The following DPP10 variants were observed in gnomAD, a reference collection of about 807,000 sequenced individuals.
DPP10 encodes inactive dipeptidyl peptidase 10.
Under a neutral mutation model 120.9 loss-of-function variants are expected in DPP10, and 33 were observed. The ratio of observed to expected loss-of-function variants is 0.27; its 90% confidence interval spans 0.21 to 0.37. The LOEUF is 0.37. DPP10 is among the 10% of genes least tolerant of loss of function. The pLI, the probability that DPP10 is intolerant of heterozygous loss-of-function variation, is 1.00. For missense variants in DPP10, 816 were observed against 942.8 expected, an observed-to-expected ratio of 0.87 and a Z score of 1.76; for synonymous variants, 337 against 326.1, an observed-to-expected ratio of 1.03 and a Z score of -0.36.
intron 2 of DPP10, among the ~76,000 whole-genome samples, chr2:115,340,194 T>C (rs1166165940): frequency 6.6e-6 from 1 of 152,142 alleles, no homozygotes; most frequent in African/African-American, 2.4e-5. Context: ...TGCTATAATT[T>C]AATATGTAGA....
intron 1 of DPP10, among the ~76,000 whole-genome samples, chr2:115,236,874 A>G (rs1006618639): frequency 6.6e-6 from 1 of 152,170 alleles, no homozygotes; most frequent in Non-Finnish European, 1.5e-5. Flanking sequence ...TAACATCTGC[A>G]TTTCACAGTG....
intron 1 of DPP10, among the ~76,000 whole-genome samples, chr2:114,711,724 T>C (rs570655489): frequency 4.6e-5 from 7 of 152,316 alleles, no homozygotes; most frequent in Non-Finnish European, 8.8e-5. Flanking sequence ...ATAGGATAAG[T>C]GAACAAGTCT....
chr2:115,623,847 AG>A (rs1263148684), intron 5 of DPP10, among the ~76,000 whole-genome samples: 1 of 151,820 alleles, frequency 6.6e-6, no homozygotes, highest in Non-Finnish European at 1.5e-5. Flanking sequence ...TGAAGTATTT[AG>A]GGCTCCACGA....
intron 2 of DPP10, among the ~76,000 whole-genome samples, chr2:115,337,088 G>A (rs1310689551): frequency 1.3e-5 from 2 of 151,246 alleles, no homozygotes; most frequent in African/African-American, 4.9e-5. Flanking sequence ...GTAACAATGA[G>A]CAGAGGGTAA....
At chr2:114,486,744 A>G (rs1396443668) in intron 1 of DPP10, among the ~76,000 whole-genome samples, 4 of 152,094 alleles carry the variant, frequency 2.6e-5, no homozygotes, top group Admixed American at 2.6e-4. Flanking sequence ...ATGCATGCAT[A>G]TGGATTTATC....
chr2:115,343,673 A>G (rs2063558622), intron 2 of DPP10, 144 bp from the exon 3 acceptor site: 1 of 453,476 alleles, frequency 2.2e-6, no homozygotes, highest in African/African-American at 2.0e-5. Flanking sequence ...CAAAGTTCAA[A>G]TGCCAAAAAC....
intron 1 of DPP10, among the ~76,000 whole-genome samples, chr2:115,282,227 A>G (rs2060189396): frequency 6.6e-6 from 1 of 152,082 alleles, no homozygotes; most frequent in Non-Finnish European, 1.5e-5. Flanking sequence ...AATATTACAT[A>G]ATAGTTATGT....
In DPP10 at chr2:115,692,313, T is replaced by C. The variant is rs1455595157; in HGVS notation, c.576+2392T>C. The stretch of plus-strand genomic sequence containing the variant: ...GCTTTTTATGTGATGGATAATTTTA[T>C]ATATGTTCTATATGACAGGAACAAT... On this transcript the variant is annotated intron_variant, in intron 7 of 25. Coordinates refer to ENST00000410059, the MANE Select transcript of DPP10 (RefSeq NM_020868.6). Among the ~76,000 whole-genome samples the C allele has an allele frequency of 2.0e-5, 3 of 152,134 alleles. No homozygotes were observed. In the East Asian group the frequency reaches 5.8e-4, roughly 29 times the overall value.
At chr2:114,581,385 G>A (rs1406106941) in intron 1 of DPP10, among the ~76,000 whole-genome samples, 3 of 151,748 alleles carry the variant, frequency 2.0e-5, no homozygotes, top group South Asian at 2.1e-4. Context: ...GAGTGTCACC[G>A]TGTTAGCCAG....
At chr2:115,486,023 C>A (rs1489442385) in intron 3 of DPP10, among the ~76,000 whole-genome samples, 1 of 152,020 alleles carries the variant, frequency 6.6e-6, no homozygotes, top group African/African-American at 2.4e-5. Context: ...TTCATGATTG[C>A]CACTGTGTAT....
At chr2:114,577,816 A>G (rs1690181435) in intron 1 of DPP10, among the ~76,000 whole-genome samples, 1 of 152,288 alleles carries the variant, frequency 6.6e-6, no homozygotes. Context: ...CTTTGGAAGA[A>G]GCATCACCCT....
intron 1 of DPP10, among the ~76,000 whole-genome samples, chr2:114,584,052 A>T: frequency 6.6e-6 from 1 of 152,218 alleles, no homozygotes. Context: ...CAGAAAGCAA[A>T]AAGAGAATCA....
At position 115,739,749 on chromosome 2, in the gene DPP10, G is replaced by C. The variant is rs1559095618; in HGVS notation, c.708G>C (p.Leu236=). 6.2e-7 allele frequency: 1 copy of C among 1,613,124 alleles called. No homozygotes were observed. The highest frequency in any genetic ancestry group is 1.7e-5 in the Admixed American group (1 of 59,972). ...ACTCATTTATTCTAGAGGAACTCCTGCATTCTCACATCGCCCACTGGTGGT... is the reference window on the plus strand; with the variant it reads ...ACTCATTTATTCTAGAGGAACTCCTCCATTCTCACATCGCCCACTGGTGGT... ...IADWLYEEEL[L]HSHIAHWWSP... is the part of the protein sequence containing the mutation. The change falls in exon 9 of 26, where the codon CTG becomes CTC. Residue 236 remains leucine (L), a synonymous_variant. Coordinates refer to ENST00000410059, the MANE Select transcript of DPP10 (RefSeq NM_020868.6).
chr2:115,776,087 A>G (rs983582128), intron 13 of DPP10, among the ~76,000 whole-genome samples: 1 of 152,140 alleles, frequency 6.6e-6, no homozygotes, highest in Non-Finnish European at 1.5e-5. Context: ...CAGCACTGAG[A>G]TAAGGAATCA....
intron 1 of DPP10, among the ~76,000 whole-genome samples, chr2:114,987,804 C>CTTTTTTTTTTTT (rs59203543): frequency 0.028 from 2,824 of 100,824 alleles, 332 homozygotes; most frequent in Middle Eastern, 0.039. Context: ...TGGAGACTGT[C>CTTTTTTTTTTTT]TTTTTTTTTT....
intron 1 of DPP10, among the ~76,000 whole-genome samples, chr2:115,201,689 T>G (rs2055735214): frequency 6.6e-6 from 1 of 152,166 alleles, no homozygotes; most frequent in African/African-American, 2.4e-5. Context: ...ATCCTCAAGT[T>G]ATATGGAAAT....
intron 1 of DPP10, among the ~76,000 whole-genome samples, chr2:114,687,778 T>A (rs1699468200): frequency 6.6e-6 from 1 of 151,976 alleles, no homozygotes; most frequent in Admixed American, 6.6e-5. Flanking sequence ...GCTGCTGTCA[T>A]GTGCTAGACT....
intron 1 of DPP10, among the ~76,000 whole-genome samples, chr2:114,886,691 T>G (rs1041801444): frequency 2.6e-5 from 4 of 152,206 alleles, no homozygotes; most frequent in African/African-American, 9.6e-5. Flanking sequence ...AAGTCTGTTA[T>G]GGATATATTT....
At chr2:114,974,809 C>T (rs1365951605) in intron 1 of DPP10, among the ~76,000 whole-genome samples, 2 of 152,058 alleles carry the variant, frequency 1.3e-5, no homozygotes, top group African/African-American at 4.8e-5. Context: ...AATCACCTAA[C>T]AAGGTATTTC....
Sources: allele counts gnomAD v4.1 joint callset (sites outside exome capture counted in the v4.1 genomes callset), GRCh38; gene constraint gnomAD v4.1.1; transcripts MANE v1.5; gene names NCBI Gene and HGNC (gene_info 2026-07-23, HGNC 2026-07-21).